L3MBTL4: variants seen among roughly 807,000 people sequenced by gnomAD.
L3MBTL4 encodes the protein L3MBTL histone methyl-lysine binding protein 4, also known as lethal(3)malignant brain tumor-like protein 4.
L3MBTL4 carries 70 observed loss-of-function variants against 84.5 expected under a neutral mutation model. The observed-to-expected ratio is 0.83, with a 90% confidence interval of 0.68 to 1.01. L3MBTL4 has a LOEUF of 1.01. Ranked by LOEUF, L3MBTL4 falls within the 50% of genes least tolerant of loss-of-function variation. The pLI is 0.00. For missense variants in L3MBTL4, 715 were observed against 754.8 expected, an observed-to-expected ratio of 0.95 and a Z score of 0.62; for synonymous variants, 274 against 259.8, an observed-to-expected ratio of 1.05 and a Z score of -0.52.
chr18:6,096,448 G>A (rs1325997057), intron 14 of L3MBTL4, among the ~76,000 whole-genome samples: 1 of 152,148 alleles, frequency 6.6e-6, no homozygotes, highest in Non-Finnish European at 1.5e-5. Flanking sequence ...TTGAACCTTA[G>A]AATCTGGGTT....
At chr18:6,216,207 C>T (rs1396234076) in intron 10 of L3MBTL4, among the ~76,000 whole-genome samples, 1 of 151,376 alleles carries the variant, frequency 6.6e-6, no homozygotes, top group Non-Finnish European at 1.5e-5. Flanking sequence ...TGACCTCATA[C>T]CATGAATTGG....
In L3MBTL4 at chr18:6,171,907, G is replaced by A; in HGVS notation, c.1017C>T (p.Tyr339=). 1 of 1,556,112 alleles carries A rather than the reference G, an allele frequency of 6.4e-7. No homozygotes were observed. Among genetic ancestry groups the A allele is most frequent in the Non-Finnish European group, 8.7e-7 (1 of 1,148,466 alleles). Residue 339 remains tyrosine, a synonymous_variant, in exon 13 of 19, where the codon TAC becomes TAT. Transcript: ENST00000317931. Reference sequence around the variant, plus strand: ...TATCAGGGCTGTCTGCCTCCACCCAGTAGTCATACTTATGGTCCCAACCAT... The same window carrying A: ...TATCAGGGCTGTCTGCCTCCACCCAATAGTCATACTTATGGTCCCAACCAT... The part of the protein sequence containing the change: ...HFDGWDHKYD[Y]WVEADSPDIH...
chr18:6,091,858 T>A (rs2058469396), intron 15 of L3MBTL4, among the ~76,000 whole-genome samples: 2 of 152,282 alleles, frequency 1.3e-5, no homozygotes, highest in South Asian at 4.1e-4. Flanking sequence ...GCAAAAAGAT[T>A]AAGGGCGAAC....
chr18:6,006,721 T>C (rs2054503683), intron 16 of L3MBTL4, among the ~76,000 whole-genome samples: 1 of 152,072 alleles, frequency 6.6e-6, no homozygotes, highest in Non-Finnish European at 1.5e-5. Context: ...GTTAAGAAAC[T>C]TCAATAGTTA....
At chr18:6,293,476 G>T (rs2049959094) in intron 4 of L3MBTL4, among the ~76,000 whole-genome samples, 1 of 151,778 alleles carries the variant, frequency 6.6e-6, no homozygotes, top group South Asian at 2.1e-4. Flanking sequence ...TGAAAAAAAA[G>T]GATTAAAATC....
At chr18:6,306,504 A>G (rs955673168) in intron 3 of L3MBTL4, among the ~76,000 whole-genome samples, 1 of 152,234 alleles carries the variant, frequency 6.6e-6, no homozygotes, top group African/African-American at 2.4e-5. Flanking sequence ...GTAAAGAATT[A>G]ACTATTACTT....
At chr18:6,187,243 CT>C (rs896050980) in intron 12 of L3MBTL4, among the ~76,000 whole-genome samples, 88 of 151,816 alleles carry the variant, frequency 5.8e-4, no homozygotes, top group Admixed American at 2.0e-3. Flanking sequence ...GGAGTAGATG[CT>C]TTTTTTTAGC....
intron 9 of L3MBTL4, among the ~76,000 whole-genome samples, chr18:6,238,928 A>T (rs1392696177): frequency 2.6e-5 from 4 of 152,106 alleles, no homozygotes; most frequent in Non-Finnish European, 4.4e-5. Context: ...TCAAAAAAAA[A>T]AACCCTTTCA....
chr18:6,413,474 T>C (rs749066033), intron 1 of L3MBTL4, among the ~76,000 whole-genome samples: 3 of 152,184 alleles, frequency 2.0e-5, no homozygotes, highest in Non-Finnish European at 4.4e-5. Flanking sequence ...TCTGTAGTAA[T>C]ATAAGGAATG....
intron 14 of L3MBTL4, among the ~76,000 whole-genome samples, chr18:6,132,920 G>A (rs1181330929): frequency 1.3e-5 from 2 of 152,292 alleles, no homozygotes; most frequent in East Asian, 3.9e-4. Context: ...GCTTGTGTGA[G>A]ATGCTCTGCT....
chr18:6,029,692 T>C (rs1427946369), intron 16 of L3MBTL4: 1 of 985,186 alleles, frequency 1.0e-6, no homozygotes, highest in African/African-American at 1.7e-5. Flanking sequence ...TATGGTCAAG[T>C]TCACAAAGGG....
intron 5 of L3MBTL4, among the ~76,000 whole-genome samples, chr18:6,250,533 G>A (rs752598808): frequency 5.9e-5 from 9 of 152,186 alleles, no homozygotes; most frequent in African/African-American, 2.2e-4. Flanking sequence ...AAGTGATATA[G>A]CTGCAAGATT....
intron 1 of L3MBTL4, among the ~76,000 whole-genome samples, chr18:6,315,475 A>G (rs1175485287): frequency 6.6e-6 from 1 of 152,198 alleles, no homozygotes; most frequent in Non-Finnish European, 1.5e-5. Context: ...TACACTTTCA[A>G]TTAATACTTA....
intron 4 of L3MBTL4, among the ~76,000 whole-genome samples, chr18:6,297,272 G>A (rs1170854099): frequency 6.6e-6 from 1 of 152,098 alleles, no homozygotes; most frequent in East Asian, 1.9e-4. Flanking sequence ...AACAAAACAA[G>A]AATAAACGGT....
At chr18:6,371,757 A>G (rs1422975207) in intron 1 of L3MBTL4, among the ~76,000 whole-genome samples, 1 of 152,234 alleles carries the variant, frequency 6.6e-6, no homozygotes, top group African/African-American at 2.4e-5. Flanking sequence ...AACCTATAAT[A>G]AAGCAGAAAA....
intron 1 of L3MBTL4, among the ~76,000 whole-genome samples, chr18:6,347,469 CTCA>C (rs987416774): frequency 3.0e-4 from 46 of 151,434 alleles, no homozygotes; most frequent in African/African-American, 1.0e-3. Flanking sequence ...ATTCTCCAAA[CTCA>C]TCAAGATATA....
chr18:6,413,076 C>A (rs879612691), intron 1 of L3MBTL4, among the ~76,000 whole-genome samples: 2 of 151,964 alleles, frequency 1.3e-5, no homozygotes, highest in Admixed American at 1.3e-4. Context: ...CAGAGTGAGA[C>A]CCTATCTCTA....
intron 1 of L3MBTL4, among the ~76,000 whole-genome samples, chr18:6,331,694 T>C (rs2052041422): frequency 6.6e-6 from 1 of 152,184 alleles, no homozygotes; most frequent in Non-Finnish European, 1.5e-5. Context: ...AACAATTTTT[T>C]GGTTTTAAAA....
rs1307540452 is a variant in L3MBTL4 at position 6,239,884 on chromosome 18, C to G, written c.553-12G>C. The G allele has an allele frequency of 1.2e-6, 2 of 1,613,896 alleles. No individual in the cohort carries two copies. Among genetic ancestry groups the G allele is most frequent in the Non-Finnish European group, 1.7e-6 (2 of 1,179,912 alleles). ...GACATTGGCCCATTCTAACGCAGCA[C>G]CAGCAGGGGAAGAAGCACAAAAAGA... On this transcript the variant is annotated splice_polypyrimidine_tract_variant and intron_variant, in intron 8 of 18. Transcript: ENST00000317931.
Sources: allele counts gnomAD v4.1 joint callset (sites outside exome capture counted in the v4.1 genomes callset), GRCh38; gene constraint gnomAD v4.1.1; transcripts MANE v1.5; gene names NCBI Gene and HGNC (gene_info 2026-07-23, HGNC 2026-07-21).